The following C1QTNF3 variants were observed in gnomAD, a reference collection of about 807,000 sequenced individuals.
The protein encoded by C1QTNF3 is complement C1q tumor necrosis factor-related protein 3.
C1QTNF3 carries 26 observed loss-of-function variants against 32.6 expected under a neutral mutation model. That is an observed-to-expected ratio of 0.80 (90% CI 0.58 to 1.11). C1QTNF3 has a LOEUF of 1.11. Among genes scored for constraint, C1QTNF3 ranks in the 50% least tolerant of loss-of-function variants. The pLI, the probability that C1QTNF3 is intolerant of heterozygous loss-of-function variation, is 0.00. For missense variants in C1QTNF3, 362 were observed against 398.2 expected, an observed-to-expected ratio of 0.91 and a Z score of 0.77; for synonymous variants, 155 against 146.0, an observed-to-expected ratio of 1.06 and a Z score of -0.44.
chr5:34,121,487 T>G, the C1QTNF3 span, among the ~76,000 whole-genome samples: 5 of 152,066 alleles, frequency 3.3e-5, no homozygotes, highest in African/African-American at 1.2e-4. Context: ...AAACCCCTGA[T>G]AAAACCATCA....
intron 1 of C1QTNF3, among the ~76,000 whole-genome samples, chr5:34,039,259 G>C (rs1050087135): frequency 6.6e-6 from 1 of 152,160 alleles, no homozygotes; most frequent in Non-Finnish European, 1.5e-5. Flanking sequence ...GACCCCAGAA[G>C]TATGCCAACG....
chr5:34,076,879 A>C, the C1QTNF3 span, among the ~76,000 whole-genome samples: 2 of 151,588 alleles, frequency 1.3e-5, no homozygotes, highest in Non-Finnish European at 2.9e-5. Context: ...GTTACGAGCT[A>C]GTCAGTGAGA....
At chr5:34,215,166 T>C in the C1QTNF3 span, among the ~76,000 whole-genome samples, 2 of 152,202 alleles carry the variant, frequency 1.3e-5, no homozygotes, top group African/African-American at 4.8e-5. Context: ...GCAGGTAGTT[T>C]GTTTCAAATG....
chr5:34,153,833 G>A, the C1QTNF3 span, among the ~76,000 whole-genome samples: 2 of 90,550 alleles, frequency 2.2e-5, no homozygotes, highest in African/African-American at 8.3e-5. Flanking sequence ...ATGTGCACAT[G>A]TACCCTAAAA....
the C1QTNF3 span, among the ~76,000 whole-genome samples, chr5:34,153,846 T>G: frequency 8.0e-5 from 5 of 62,658 alleles, no homozygotes; most frequent in Non-Finnish European, 3.3e-5. Context: ...CCCTAAAACT[T>G]AGAGTATAAA....
chr5:34,055,163 G>A, the C1QTNF3 span, among the ~76,000 whole-genome samples: 4 of 152,284 alleles, frequency 2.6e-5, no homozygotes, highest in South Asian at 4.1e-4. Context: ...CACCCTCCTG[G>A]ACACCTGTAA....
chr5:34,043,397 C>CT (rs1296047353), upstream of C1QTNF3: 1 of 463,980 alleles, frequency 2.2e-6, no homozygotes, highest in African/African-American at 1.9e-5. Context: ...AATGTCACAC[C>CT]TTGGCACGTT....
chr5:34,177,582 G>T, the C1QTNF3 span, among the ~76,000 whole-genome samples: 1 of 143,580 alleles, frequency 7.0e-6, no homozygotes, highest in Admixed American at 7.4e-5. Flanking sequence ...CACCTCCCCA[G>T]TTCAAGCGAT....
At chr5:34,154,074 ATCT>A in the C1QTNF3 span, among the ~76,000 whole-genome samples, 1 of 151,952 alleles carries the variant, frequency 6.6e-6, no homozygotes, top group Non-Finnish European at 1.5e-5. Flanking sequence ...TGCAAGGTCT[ATCT>A]ATCTAATACC....
chr5:34,039,634 T>A (rs928642409), intron 1 of C1QTNF3, among the ~76,000 whole-genome samples: 3 of 152,150 alleles, frequency 2.0e-5, no homozygotes, highest in Non-Finnish European at 2.9e-5. Context: ...CCCCATGCGG[T>A]ATGTGTGTTT....
the C1QTNF3 span, among the ~76,000 whole-genome samples, chr5:34,054,231 TAG>T: frequency 6.6e-6 from 1 of 152,192 alleles, no homozygotes; most frequent in Non-Finnish European, 1.5e-5. Flanking sequence ...AAATGGATCT[TAG>T]CCCACTGAAA....
the C1QTNF3 span, among the ~76,000 whole-genome samples, chr5:34,131,386 T>C: frequency 2.5e-3 from 376 of 151,884 alleles, 1 homozygote; most frequent in African/African-American, 8.5e-3. Context: ...TTCAGCCTTA[T>C]TTACAACTAT....
chr5:34,024,979 T>C (rs1754424418), intron 4 of C1QTNF3, among the ~76,000 whole-genome samples: 1 of 152,232 alleles, frequency 6.6e-6, no homozygotes, highest in African/African-American at 2.4e-5. Flanking sequence ...GTTCTATTTC[T>C]TTCTCAAAGG....
At chr5:34,225,586 C>T in the C1QTNF3 span, among the ~76,000 whole-genome samples, 1 of 151,774 alleles carries the variant, frequency 6.6e-6, no homozygotes, top group Non-Finnish European at 1.5e-5. Flanking sequence ...AGCAATTGAC[C>T]CCTCTGTACC....
At chr5:34,024,677 T>A (rs140891431) in intron 4 of C1QTNF3, among the ~76,000 whole-genome samples, 2 of 152,320 alleles carry the variant, frequency 1.3e-5, no homozygotes, top group East Asian at 3.9e-4. Context: ...TTTAAAAGAT[T>A]TGAGTTTTTT....
At chr5:34,231,426 A>G in the C1QTNF3 span, among the ~76,000 whole-genome samples, 1 of 152,232 alleles carries the variant, frequency 6.6e-6, no homozygotes, top group African/African-American at 2.4e-5. Flanking sequence ...TTCTAGAGAA[A>G]TACTTCATAC....
At chr5:34,023,826 C>G (rs2112097547) in intron 5 of C1QTNF3, 83 bp downstream of exon 5, 1 of 1,060,962 alleles carries the variant, frequency 9.4e-7, no homozygotes, top group South Asian at 1.3e-5. Flanking sequence ...TCTATTGACT[C>G]CTATACGCTT....
At chr5:34,183,534 T>A in the C1QTNF3 span, among the ~76,000 whole-genome samples, 39 of 149,502 alleles carry the variant, frequency 2.6e-4, no homozygotes, top group African/African-American at 8.8e-4. Flanking sequence ...TTTTGCCATG[T>A]TGGCCAGGCT....
At chr5:34,223,500 A>G in the C1QTNF3 span, among the ~76,000 whole-genome samples, 3 of 151,040 alleles carry the variant, frequency 2.0e-5, no homozygotes, top group African/African-American at 4.9e-5. Flanking sequence ...GTGTCTTTAT[A>G]GCAGCATGAT....
Sources: allele counts gnomAD v4.1 joint callset (sites outside exome capture counted in the v4.1 genomes callset), GRCh38; gene constraint gnomAD v4.1.1; transcripts MANE v1.5; gene names NCBI Gene and HGNC (gene_info 2026-07-23, HGNC 2026-07-21).